The following HEATR5A variants were observed in gnomAD, a reference collection of about 807,000 sequenced individuals.
HEATR5A encodes the protein HEAT repeat containing 5A.
HEATR5A carries 178 observed loss-of-function variants against 218.8 expected under a neutral mutation model. The ratio of observed to expected loss-of-function variants is 0.81; its 90% CI spans 0.72 to 0.92. The LOEUF (loss-of-function observed/expected upper bound fraction) is 0.92, where lower values mean the gene tolerates loss of function less well. Among genes scored for constraint, HEATR5A ranks in the 40% least tolerant of loss-of-function variants. The pLI is 0.00. For missense variants in HEATR5A, 2,420 were observed against 2,418.9 expected (o/e 1.00, Z -0.01); for synonymous variants, 864 against 871.6 (o/e 0.99, Z 0.15).
intron 13 of HEATR5A, among the ~76,000 whole-genome samples, chr14:31,365,027 A>ATTAG (rs1901752669): frequency 6.6e-6 from 1 of 151,924 alleles, no homozygotes; most frequent in Non-Finnish European, 1.5e-5. Context: ...GGTGCGCACC[A>ATTAG]CCATGCCCGG....
At chr14:31,299,518 G>A (rs1305290174) in intron 33 of HEATR5A, among the ~76,000 whole-genome samples, 1 of 151,976 alleles carries the variant, frequency 6.6e-6, no homozygotes, top group African/African-American at 2.4e-5. Context: ...TCAGGAGTTC[G>A]AGACCAGCCT....
chr14:31,355,856 C>T (rs1901407976), intron 16 of HEATR5A, among the ~76,000 whole-genome samples: 2 of 152,318 alleles, frequency 1.3e-5, no homozygotes, highest in South Asian at 4.1e-4. Context: ...ATTTAAAAGA[C>T]AATTACATAT....
chr14:31,360,247 A>G (rs1282017676), intron 14 of HEATR5A, among the ~76,000 whole-genome samples: 3 of 152,176 alleles, frequency 2.0e-5, no homozygotes, highest in Admixed American at 6.5e-5. Flanking sequence ...AATTTATTTG[A>G]AGAAACAAGG....
chr14:31,350,851 C>T (rs542755337), intron 16 of HEATR5A, 134 bp from the exon 17 acceptor site: 25 of 568,512 alleles, frequency 4.4e-5, no homozygotes, highest in Middle Eastern at 4.6e-4. Flanking sequence ...CATCTCGGCT[C>T]ACTACAACCT....
chr14:31,317,936 T>G (rs1899964632), intron 26 of HEATR5A, among the ~76,000 whole-genome samples: 1 of 152,164 alleles, frequency 6.6e-6, no homozygotes, highest in Non-Finnish European at 1.5e-5. Context: ...CAGATATGCT[T>G]ACACCCAGTG....
intron 12 of HEATR5A, among the ~76,000 whole-genome samples, chr14:31,374,192 G>T (rs897622519): frequency 6.6e-6 from 1 of 151,314 alleles, no homozygotes; most frequent in Non-Finnish European, 1.5e-5. Flanking sequence ...TGTGGTCTCA[G>T]CTACTTGGGA....
At chr14:31,352,783 C>T (rs900700768) in intron 16 of HEATR5A, among the ~76,000 whole-genome samples, 1 of 152,002 alleles carries the variant, frequency 6.6e-6, no homozygotes, top group African/African-American at 2.4e-5. Flanking sequence ...CATGGTGAAA[C>T]TCCATCTCTA....
intron 32 of HEATR5A, among the ~76,000 whole-genome samples, chr14:31,304,279 G>A (rs1899483057): frequency 6.6e-6 from 1 of 152,166 alleles, no homozygotes; most frequent in Non-Finnish European, 1.5e-5. Context: ...ACAAACTTGT[G>A]CCATCACTGA....
In HEATR5A at chr14:31,383,542, T is replaced by G. The variant is rs200874693; in HGVS notation, c.1575A>C (p.Gly525=). The change falls in exon 10 of 36, where the codon GGA becomes GGC. Residue 525 remains glycine (G), a synonymous_variant. Transcript: ENST00000543095. ...LLGAVKHCPL[G]IPHGKGKIIM... ...TTACCTTGCCTTTTCCATGAGGAAT[T>G]CCTAAAGGACAATGTTTTACTGCTC... is the stretch of plus-strand genomic sequence containing the variant. 4.2e-4 allele frequency: 670 copies of G among 1,612,690 alleles called. 2 individuals carry two copies. The highest frequency in any genetic ancestry group is 1.3e-3 in the Middle Eastern group (8 of 6,052).
Position 31,350,708 on chromosome 14 carries a change from T to A in HEATR5A, c.2421A>T (p.Ile807=). The change falls in exon 17 of 36, where the codon ATA becomes ATT. Residue 807 remains isoleucine, a synonymous_variant. Transcript: ENST00000543095. ...AHVGETQRLL[I]LEQLLDSIKH... ...TTATACTGTCCAAAAGCTGTTCCAA[T>A]ATAAGAAGCCTACAATCAGAAATAA... 6.5e-7 allele frequency: 1 copy of A among 1,529,438 alleles called. No homozygotes were observed. Among genetic ancestry groups the A allele is most frequent in the Non-Finnish European group, 9.0e-7 (1 of 1,112,982 alleles). The allele number at this position is 1,529,438 out of a possible 1,614,324, so 94.7% of individuals were successfully genotyped here. A position where few individuals can be genotyped will look rare whatever the true frequency, so the allele number is the denominator to read the frequency against.
intron 22 of HEATR5A, chr14:31,334,372 A>G (rs572713367): frequency 2.8e-4 from 126 of 455,824 alleles, no homozygotes; most frequent in African/African-American, 2.3e-3. Context: ...ATCCAGGCAA[A>G]GTAACTGAAA....
chr14:31,293,731 T>G, intron 35 of HEATR5A, 119 bp from the exon 36 acceptor site: 2 of 1,094,552 alleles, frequency 1.8e-6, no homozygotes, highest in Non-Finnish European at 1.3e-6. Flanking sequence ...TCCAATCTCT[T>G]CTAAATTAAT....
chr14:31,308,980 T>C lies in HEATR5A; in HGVS notation c.4644A>G (p.Ile1548Met). ...CAGTGTAGACATCCTCAGGGGACTT[T>C]ATGGTAGCCCCAGATGATGAACCCT... ...MCQGSSSGAT[I>M]KSPEDVYTDR... is the part of the protein sequence containing the mutation. The change falls in exon 29 of 36, where the codon ATA becomes ATG. Residue 1548 changes from isoleucine to methionine, a missense_variant. Physicochemically the swap from Ile to Met is conservative, Grantham distance 10 (BLOSUM62 1). Transcript: ENST00000543095. 6.2e-7 allele frequency: 1 copy of C among 1,613,696 alleles called. No homozygotes were observed. The highest frequency in any genetic ancestry group is 8.5e-7 in the Non-Finnish European group (1 of 1,179,734).
intron 10 of HEATR5A, among the ~76,000 whole-genome samples, chr14:31,381,298 T>C (rs1417909980): frequency 3.3e-5 from 5 of 151,408 alleles, no homozygotes; most frequent in East Asian, 3.9e-4. Context: ...TAGCTGATAA[T>C]AGTCTTCCAA....
intron 25 of HEATR5A, 61 bp from the exon 26 acceptor site, chr14:31,318,353 CT>C: frequency 1.6e-6 from 2 of 1,265,884 alleles, no homozygotes; most frequent in Non-Finnish European, 2.3e-6. Flanking sequence ...AGTTCTCCCT[CT>C]TTTTAATGTT....
intron 3 of HEATR5A, 24 bp downstream of exon 3, chr14:31,400,277 G>A: frequency 6.9e-7 from 1 of 1,455,838 alleles, no homozygotes; most frequent in East Asian, 2.5e-5. Context: ...TTTGTTTTCT[G>A]TTCTGTTTTA....
In HEATR5A at chr14:31,413,875, A is replaced by G. The variant is rs140959579; in HGVS notation, c.-75+6597T>C. ...AGTCTCTACAGTAATCACTGCTATT[A>G]CTAATACAGTTATTGCCATAGCTGG... On this transcript the variant is annotated intron_variant, in intron 1 of 35. Transcript: ENST00000543095. Among the ~76,000 whole-genome samples, 400 of 152,306 alleles carry G rather than the reference A, an allele frequency of 2.6e-3. 1 individual carries two copies. The highest frequency in any genetic ancestry group is 4.8e-3 in the Non-Finnish European group (326 of 68,042).
At position 31,395,286 on chromosome 14, in the gene HEATR5A, G is replaced by A. The variant is rs199612089; in HGVS notation, c.510C>T (p.Ala170=). 8 of 1,524,870 alleles carry A rather than the reference G, an allele frequency of 5.2e-6. No individual in the cohort carries two copies. The highest frequency in any genetic ancestry group is 3.3e-4 in the Middle Eastern group (2 of 5,994). The allele number at this position is 1,524,870 out of a possible 1,614,324, so 94.5% of individuals were successfully genotyped here. ...LQNILNGLGA[A]AAPCHRDVYK... is the part of the protein sequence containing the mutation. ...AAACATCCCTGTGACAAGGTGCAGC[G>A]GCAGCTCCTAGTCCATTCAATATAT... The change falls in exon 5 of 36, where the codon GCC becomes GCT. Residue 170 remains alanine (A), a synonymous_variant. Coordinates refer to ENST00000543095, the MANE Select transcript of HEATR5A (RefSeq NM_015473.4).
In HEATR5A at chr14:31,318,152, T is replaced by A. The variant is rs181863861; in HGVS notation, c.4038+72A>T. On this transcript the variant is annotated intron_variant, in intron 26 of 35. Coordinates refer to ENST00000543095, the MANE Select transcript of HEATR5A (RefSeq NM_015473.4). ...GTAAGACAACCATAAAGAAAAAACA[T>A]TGGTAAAAAAATACTAACTGGAGGA... 5 of 1,283,222 alleles carry A rather than the reference T, an allele frequency of 3.9e-6. No homozygotes were observed. The African/African-American group carries it at 7.3e-5, about 19-fold the overall frequency. The allele number at this position is 1,283,222 out of a possible 1,614,324, so 79.5% of individuals were successfully genotyped here. A position where few individuals can be genotyped will look rare whatever the true frequency, so the allele number is the denominator to read the frequency against.
Sources: allele counts gnomAD v4.1 joint callset (sites outside exome capture counted in the v4.1 genomes callset), GRCh38; gene constraint gnomAD v4.1.1; transcripts MANE v1.5; gene names NCBI Gene and HGNC (gene_info 2026-07-23, HGNC 2026-07-21).